The following TRA2B variants were observed in gnomAD, a reference collection of about 807,000 sequenced individuals.
TRA2B encodes transformer 2 beta homolog.
In TRA2B, 14 loss-of-function variants were observed where a neutral mutation model predicts 41.7. The observed-to-expected ratio is 0.34, with a 90% CI of 0.22 to 0.53. TRA2B has a LOEUF of 0.53. TRA2B is among the 20% of genes least tolerant of loss of function. TRA2B has a pLI of 0.95. For synonymous variants in TRA2B, 130 were observed against 128.8 expected (o/e 1.01, Z -0.06); for missense variants, 167 against 396.8 (o/e 0.42, Z 4.92).
intron 1 of TRA2B, chr3:185,937,417 T>C (rs959125111): frequency 9.8e-7 from 1 of 1,016,338 alleles, no homozygotes; most frequent in African/African-American, 1.7e-5. Flanking sequence ...GCCGCGCGGC[T>C]TCTCCGCCAT....
chr3:185,928,937 C>T (rs1168863437), intron 1 of TRA2B: 1 of 152,162 alleles, frequency 6.6e-6, no homozygotes, highest in African/African-American at 2.4e-5. Flanking sequence ...GACAGTACTC[C>T]TAACCTAGAA....
In TRA2B at chr3:185,914,935, G is replaced by A. The variant is rs949087907; in HGVS notation, c.*2780C>T. Among the ~76,000 whole-genome samples the A allele has an allele frequency of 2.6e-5, 4 of 152,142 alleles. No homozygotes were observed. Among genetic ancestry groups the A allele is most frequent in the Admixed American group, 2.6e-4 (4 of 15,266 alleles). ...CTAGTCAATGGTGTAAGAGGGCTAA[G>A]AGCTATTAGTTTTATCTTAAGGCAT... On this transcript the variant is annotated 3_prime_UTR_variant, in exon 9 of 9. Coordinates refer to ENST00000453386, the MANE Select transcript of TRA2B (RefSeq NM_004593.3).
chr3:185,932,325 T>TAAAG (rs947184484), intron 1 of TRA2B, among the ~76,000 whole-genome samples: 2 of 152,170 alleles, frequency 1.3e-5, no homozygotes, highest in Non-Finnish European at 2.9e-5. Context: ...CTAGATAGGA[T>TAAAG]AAAGAAACGT....
chr3:185,920,297 G>A (rs1429046405), intron 6 of TRA2B, among the ~76,000 whole-genome samples: 1 of 152,202 alleles, frequency 6.6e-6, no homozygotes, highest in Non-Finnish European at 1.5e-5. Flanking sequence ...AATGGCTTAT[G>A]AAATTTGCTT....
rs200394064 is a variant in TRA2B at position 185,937,806 on chromosome 3, C to T, written c.36+19G>A. The stretch of plus-strand genomic sequence containing the variant: ...GGAGCTAGGACCACACAGCCACCCC[C>T]TACCGCAGCTCTACGTACCCGCTCG... On this transcript the variant is annotated intron_variant, in intron 1 of 8. Coordinates refer to ENST00000453386, the MANE Select transcript of TRA2B (RefSeq NM_004593.3). 60 of 1,614,128 alleles carry T rather than the reference C, an allele frequency of 3.7e-5. No homozygotes were observed. In the East Asian group the frequency reaches 1.3e-3, roughly 35 times the overall value.
Position 185,914,739 on chromosome 3 carries a change from C to T in TRA2B, c.*2976G>A, listed in dbSNP as rs1307338834. 6.6e-6 allele frequency among the ~76,000 whole-genome samples: 1 copy of T among 151,304 alleles called. No homozygotes were observed. The highest frequency in any genetic ancestry group is 1.9e-4 in the East Asian group (1 of 5,148). On this transcript the variant is annotated 3_prime_UTR_variant, in exon 9 of 9. Coordinates refer to ENST00000453386, the MANE Select transcript of TRA2B (RefSeq NM_004593.3). ...AATCAAAATCCACTGAGATGGCATG[C>T]TGAAGGAATATTGGAGGCGTGTCCA...
At chr3:185,920,078 T>C (rs942998254) in intron 6 of TRA2B, among the ~76,000 whole-genome samples, 2 of 152,178 alleles carry the variant, frequency 1.3e-5, no homozygotes, top group African/African-American at 4.8e-5. Flanking sequence ...TATCTTTATT[T>C]TTAAACTATG....
intron 1 of TRA2B, among the ~76,000 whole-genome samples, chr3:185,931,096 T>C (rs1279739060): frequency 6.6e-6 from 1 of 152,240 alleles, no homozygotes; most frequent in Non-Finnish European, 1.5e-5. Flanking sequence ...AGGGAACTAT[T>C]TTGTTCAATG....
At chr3:185,929,940 C>T (rs368399301) in intron 1 of TRA2B, among the ~76,000 whole-genome samples, 20 of 152,124 alleles carry the variant, frequency 1.3e-4, no homozygotes, top group Non-Finnish European at 5.9e-5. Flanking sequence ...ATTAATCAGA[C>T]CTCTGATTAA....
At chr3:185,934,915 ATT>A in intron 1 of TRA2B, 1 of 985,308 alleles carries the variant, frequency 1.0e-6, no homozygotes. Context: ...GGGTCAAAAC[ATT>A]TTCTTTAACA....
At chr3:185,936,482 A>G (rs1744359961) in intron 1 of TRA2B, 3 of 985,428 alleles carry the variant, frequency 3.0e-6, no homozygotes, top group Non-Finnish European at 3.6e-6. Flanking sequence ...AACCAAATTA[A>G]GCAGTTTGGG....
chr3:185,919,889 A>C (rs1392135230), intron 6 of TRA2B, among the ~76,000 whole-genome samples: 1 of 152,186 alleles, frequency 6.6e-6, no homozygotes, highest in Non-Finnish European at 1.5e-5. Context: ...TAACTTCTTA[A>C]ACATTGCCAA....
At chr3:185,924,032 C>G in intron 3 of TRA2B, 48 bp from the exon 4 acceptor site, 2 of 1,544,998 alleles carry the variant, frequency 1.3e-6, no homozygotes, top group South Asian at 2.5e-5. Context: ...GTCATAAAAT[C>G]AAAGTTGTTT....
rs1578473886 is a variant in TRA2B, at chr3:185,921,140, C to T, written c.686G>A (p.Gly229Asp). 6.2e-7 allele frequency: 1 copy of T among 1,614,110 alleles called. No individual in the cohort carries two copies. Among genetic ancestry groups the T allele is most frequent in the South Asian group, 1.1e-5 (1 of 91,078 alleles). Residue 229 changes from glycine (G) to aspartate (D), a missense_variant, in exon 6 of 9, where the codon GGC (glycine) becomes GAC (aspartate). Gly to Asp is a moderately conservative substitution (Grantham distance 94). Coordinates refer to ENST00000453386, the MANE Select transcript of TRA2B (RefSeq NM_004593.3). ...GCTATAGTAGTCCCGATCATCATAG[C>T]CCCGATCATATCCTCTGTCATAGTA... is the stretch of plus-strand genomic sequence containing the variant. ...RDYYDRGYDR[G>D]YDDRDYYSRS...
At chr3:185,932,180 G>C (rs936562579) in intron 1 of TRA2B, among the ~76,000 whole-genome samples, 1 of 152,054 alleles carries the variant, frequency 6.6e-6, no homozygotes, top group East Asian at 1.9e-4. Flanking sequence ...TAGAAAATAG[G>C]TTAAGTGTCA....
chr3:185,921,073 C>T, intron 6 of TRA2B, 31 bp downstream of exon 6: 2 of 1,591,364 alleles, frequency 1.3e-6, no homozygotes, highest in Non-Finnish European at 1.7e-6. Context: ...TACTGAGATT[C>T]AGACGTTGAC....
At position 185,917,492 on chromosome 3, in the gene TRA2B, A is replaced by G. The variant is rs1743543161; in HGVS notation, c.*223T>C. On this transcript the variant is annotated 3_prime_UTR_variant, in exon 9 of 9. Transcript: ENST00000453386. Reference sequence around the variant, plus strand: ...TTTAGACTGTAAAAAAATACATGCAAAACATACTTTTCTGAAAACACTTAA... The same window carrying G: ...TTTAGACTGTAAAAAAATACATGCAGAACATACTTTTCTGAAAACACTTAA... 8.2e-6 allele frequency: 4 copies of G among 489,994 alleles called. No individual in the cohort carries two copies. The Admixed American group carries it at 1.2e-4, about 15-fold the overall frequency. 30.4% of individuals were successfully genotyped at this position (489,994 alleles called of 1,614,324 possible).
intron 3 of TRA2B, 129 bp downstream of exon 3, chr3:185,925,335 C>G (rs571933562): frequency 9.2e-7 from 1 of 1,085,578 alleles, no homozygotes; most frequent in African/African-American, 1.6e-5. Context: ...TCTCTCAAAA[C>G]ACTAAAAAAG....
intron 4 of TRA2B, chr3:185,923,446 T>C (rs528713719): frequency 6.0e-6 from 1 of 166,572 alleles, no homozygotes; most frequent in East Asian, 1.7e-4. Flanking sequence ...TATGACATCA[T>C]TCACTAGCCA....
Sources: allele counts gnomAD v4.1 joint callset (sites outside exome capture counted in the v4.1 genomes callset), GRCh38; gene constraint gnomAD v4.1.1; transcripts MANE v1.5; gene names NCBI Gene and HGNC (gene_info 2026-07-23, HGNC 2026-07-21).